SYN2: variants seen among roughly 807,000 people sequenced by gnomAD.
The protein encoded by SYN2 is synapsin II.
SYN2 carries 19 observed loss-of-function variants against 50.9 expected under a neutral mutation model. The observed-to-expected ratio is 0.37, with a 90% CI of 0.26 to 0.55. The LOEUF is 0.55. Among genes scored for constraint, SYN2 ranks in the 20% least tolerant of loss-of-function variants. The pLI is 0.81. For synonymous variants in SYN2, 255 were observed against 224.9 expected, an observed-to-expected ratio of 1.13 and a Z score of -1.20; for missense variants, 587 against 576.4, an observed-to-expected ratio of 1.02 and a Z score of -0.19.
chr3:12,014,232 A>G (rs1027993565), intron 1 of SYN2, among the ~76,000 whole-genome samples: 1 of 152,208 alleles, frequency 6.6e-6, no homozygotes, highest in Non-Finnish European at 1.5e-5. Flanking sequence ...GGCTTGACAC[A>G]TAGATTGAGG....
At chr3:12,039,882 A>C (rs1224802692) in intron 1 of SYN2, among the ~76,000 whole-genome samples, 2 of 152,138 alleles carry the variant, frequency 1.3e-5, no homozygotes, top group Non-Finnish European at 2.9e-5. Flanking sequence ...CTTTTATGAC[A>C]TGTTTCCTGC....
intron 1 of SYN2, among the ~76,000 whole-genome samples, chr3:12,044,063 T>C (rs965257398): frequency 2.6e-5 from 4 of 152,146 alleles, no homozygotes; most frequent in Admixed American, 2.0e-4. Context: ...CCAGAAATTC[T>C]TACCCATAAC....
At chr3:12,159,968 A>G (rs308951) in intron 5 of SYN2, among the ~76,000 whole-genome samples, 1 of 148,186 alleles carries the variant, frequency 6.7e-6, no homozygotes, top group African/African-American at 2.5e-5. Flanking sequence ...GCTTGAACCC[A>G]GGAGGCGGAG....
chr3:12,148,346 A>G (rs1697200587), intron 4 of SYN2, among the ~76,000 whole-genome samples: 2 of 152,172 alleles, frequency 1.3e-5, no homozygotes, highest in Admixed American at 1.3e-4. Context: ...CAGTTTCACA[A>G]AGCAGCTGCC....
At chr3:12,039,681 G>C (rs560708622) in intron 1 of SYN2, among the ~76,000 whole-genome samples, 1 of 148,810 alleles carries the variant, frequency 6.7e-6, no homozygotes, top group South Asian at 2.1e-4. Context: ...AGTTATTTCT[G>C]ATAAAGGTAG....
At chr3:12,169,968 T>A in intron 10 of SYN2, 62 bp downstream of exon 10, 2 of 1,520,754 alleles carry the variant, frequency 1.3e-6, no homozygotes, top group Non-Finnish European at 1.8e-6. Flanking sequence ...CTCCTCTAGA[T>A]GTTGATGGCT....
chr3:12,176,041 C>T (rs1209195405), intron 10 of SYN2, among the ~76,000 whole-genome samples: 18 of 152,206 alleles, frequency 1.2e-4, no homozygotes, highest in Admixed American at 1.2e-3. Flanking sequence ...GTGGCAGTGA[C>T]ACCTGGTGGT....
At chr3:12,035,025 A>T (rs965016790) in intron 1 of SYN2, among the ~76,000 whole-genome samples, 20 of 152,224 alleles carry the variant, frequency 1.3e-4, no homozygotes, top group African/African-American at 4.8e-4. Flanking sequence ...AAATCGAAAC[A>T]GGTTGTTTAT....
At chr3:12,093,560 A>AT (rs1695872270) in intron 1 of SYN2, among the ~76,000 whole-genome samples, 1 of 152,128 alleles carries the variant, frequency 6.6e-6, no homozygotes, top group Non-Finnish European at 1.5e-5. Context: ...ATGGGCTTAA[A>AT]TTTTTCTTGG....
intron 1 of SYN2, among the ~76,000 whole-genome samples, chr3:12,079,768 T>C (rs1559411586): frequency 6.6e-6 from 1 of 152,172 alleles, no homozygotes; most frequent in Non-Finnish European, 1.5e-5. Context: ...AGTTTTCTTT[T>C]TTTGTTGTTT....
chr3:12,161,854 A>T, intron 6 of SYN2, 158 bp from the exon 7 acceptor site: 1 of 1,131,780 alleles, frequency 8.8e-7, no homozygotes, highest in South Asian at 1.6e-5. Flanking sequence ...TGGGAAGGGA[A>T]GCTAGGGAGA....
chr3:12,072,907 T>C (rs187396723), intron 1 of SYN2, among the ~76,000 whole-genome samples: 36 of 152,328 alleles, frequency 2.4e-4, no homozygotes, highest in Non-Finnish European at 2.2e-4. Flanking sequence ...CTGCTCAAGT[T>C]TAAAGACAGA....
intron 1 of SYN2, among the ~76,000 whole-genome samples, chr3:12,120,217 A>AGCAAGCTAGTGACAGGATCT (rs1433207130): frequency 6.6e-6 from 1 of 152,216 alleles, no homozygotes; most frequent in African/African-American, 2.4e-5. Context: ...TAATTCACAC[A>AGCAAGCTAGTGACAGGATCT]GCAAGCTAGT....
intron 1 of SYN2, among the ~76,000 whole-genome samples, chr3:12,069,394 A>G (rs940410173): frequency 7.2e-5 from 11 of 152,062 alleles, no homozygotes; most frequent in Admixed American, 2.6e-4. Flanking sequence ...GATTACAGGC[A>G]CATGCCACCA....
chr3:12,039,595 C>CT (rs1559395378), intron 1 of SYN2, among the ~76,000 whole-genome samples: 3 of 76,306 alleles, frequency 3.9e-5, no homozygotes, highest in African/African-American at 1.5e-4. Flanking sequence ...TTTATCCTGT[C>CT]TTTTTTGGGA....
chr3:12,043,297 GT>G (rs1199819240), intron 1 of SYN2, among the ~76,000 whole-genome samples: 1 of 152,034 alleles, frequency 6.6e-6, no homozygotes, highest in Non-Finnish European at 1.5e-5. Context: ...AAAGCACTGG[GT>G]TTACAGGTGT....
intron 1 of SYN2, among the ~76,000 whole-genome samples, chr3:12,063,947 A>C (rs1202947836): frequency 1.3e-5 from 2 of 151,936 alleles, no homozygotes; most frequent in African/African-American, 2.4e-5. Flanking sequence ...TGAGCTGTGC[A>C]TAGTGCCATC....
chr3:12,085,270 AAAGACAAAG>A (rs1400909096), intron 1 of SYN2, among the ~76,000 whole-genome samples: 4 of 152,160 alleles, frequency 2.6e-5, no homozygotes, highest in East Asian at 1.9e-4. Flanking sequence ...AACTGTAAAA[AAAGACAAAG>A]AAGGTCATTA....
At chr3:12,090,646 AG>A (rs1482084420) in intron 1 of SYN2, among the ~76,000 whole-genome samples, 1 of 152,228 alleles carries the variant, frequency 6.6e-6, no homozygotes, top group African/African-American at 2.4e-5. Flanking sequence ...GCCCATGAAC[AG>A]GAAGTCATCT....
Sources: gnomAD v4.1 joint callset for allele counts (sites outside exome capture counted in the v4.1 genomes callset) on GRCh38, gnomAD v4.1.1 for gene constraint, MANE v1.5 for transcripts, NCBI Gene and HGNC (gene_info 2026-07-23, HGNC 2026-07-21) for gene names.